The following CDH18 variants were observed in gnomAD, a reference collection of about 807,000 sequenced individuals.
CDH18 encodes the protein cadherin 18, also known as cadherin-18.
CDH18 carries 31 observed loss-of-function variants against 67.9 expected under a neutral mutation model. The observed-to-expected ratio is 0.46, with a 90% CI of 0.34 to 0.62. CDH18 has a LOEUF of 0.62. Ranked by LOEUF, CDH18 falls within the 20% of genes least tolerant of loss-of-function variation. CDH18 has a pLI of 0.01. For synonymous variants in CDH18, 362 were observed against 347.2 expected (o/e 1.04, Z -0.48); for missense variants, 890 against 975.5 (o/e 0.91, Z 1.17).
intron 5 of CDH18, among the ~76,000 whole-genome samples, chr5:19,705,914 TCCCTAAAA>T (rs1366930343): frequency 6.6e-6 from 1 of 152,186 alleles, no homozygotes; most frequent in Admixed American, 6.5e-5. Flanking sequence ...AATTGGGTTC[TCCCTAAAA>T]TAACTAAATT....
chr5:19,589,365 T>G lies in CDH18; in HGVS notation c.999+1692A>C, dbSNP rs981362177. Among the ~76,000 whole-genome samples the G allele has an allele frequency of 3.3e-5, 5 of 152,262 alleles. No individual in the cohort carries two copies. In the South Asian group the frequency reaches 6.2e-4, roughly 19 times the overall value. On this transcript the variant is annotated intron_variant, in intron 7 of 12. Coordinates refer to ENST00000382275, the MANE Select transcript of CDH18 (RefSeq NM_004934.5). ...TCCTCCAAGATTATATTTCCTCCGT[T>G]TTCATGCTTGTTTCTTAAACAATCA...
intron 2 of CDH18, among the ~76,000 whole-genome samples, chr5:20,001,341 A>T (rs116402108): frequency 5.5e-4 from 84 of 152,316 alleles, no homozygotes; most frequent in African/African-American, 2.0e-3. Flanking sequence ...CTGAGTGTAT[A>T]GGTGAATATG....
At chr5:19,689,044 G>A (rs1186820511) in intron 5 of CDH18, among the ~76,000 whole-genome samples, 1 of 151,920 alleles carries the variant, frequency 6.6e-6, no homozygotes, top group Non-Finnish European at 1.5e-5. Flanking sequence ...ACATCATAAA[G>A]CAATAAAATA....
At chr5:19,533,369 T>C (rs1226675428) in intron 9 of CDH18, among the ~76,000 whole-genome samples, 1 of 151,986 alleles carries the variant, frequency 6.6e-6, no homozygotes, top group Non-Finnish European at 1.5e-5. Flanking sequence ...AGTAGCAAAG[T>C]CAAGAGTCTT....
At chr5:19,607,722 T>C (rs1748287616) in intron 6 of CDH18, among the ~76,000 whole-genome samples, 1 of 151,344 alleles carries the variant, frequency 6.6e-6, no homozygotes, top group Non-Finnish European at 1.5e-5. Flanking sequence ...AAATATTAGC[T>C]AAGTGGTCAC....
intron 1 of CDH18, among the ~76,000 whole-genome samples, chr5:20,471,567 C>A (rs534143220): frequency 6.6e-6 from 1 of 151,674 alleles, no homozygotes; most frequent in Non-Finnish European, 1.5e-5. Flanking sequence ...TTTGGGAGGC[C>A]GAGGCGGGAG....
intron 1 of CDH18, among the ~76,000 whole-genome samples, chr5:20,268,497 A>G (rs1745208392): frequency 2.6e-5 from 4 of 152,174 alleles, no homozygotes; most frequent in Admixed American, 2.0e-4. Context: ...TGGCACTGGT[A>G]TGTCAAGATA....
At chr5:20,088,944 C>T (rs1745200376) in intron 2 of CDH18, among the ~76,000 whole-genome samples, 1 of 152,012 alleles carries the variant, frequency 6.6e-6, no homozygotes, top group Admixed American at 6.6e-5. Flanking sequence ...ACTGAGAAGT[C>T]TAGTTTTATT....
At chr5:19,502,563 A>C (rs1323306035) in intron 11 of CDH18, 2 of 298,964 alleles carry the variant, frequency 6.7e-6, no homozygotes, top group Non-Finnish European at 1.2e-5. Flanking sequence ...GAGGAAATAT[A>C]ATTTGTAAAG....
intron 1 of CDH18, among the ~76,000 whole-genome samples, chr5:20,449,044 A>T (rs1750229844): frequency 6.6e-6 from 1 of 152,082 alleles, no homozygotes; most frequent in Non-Finnish European, 1.5e-5. Flanking sequence ...GATGTACCTA[A>T]GTACATTGGA....
At chr5:19,530,053 C>T (rs1005884104) in intron 9 of CDH18, among the ~76,000 whole-genome samples, 1 of 152,130 alleles carries the variant, frequency 6.6e-6, no homozygotes, top group Non-Finnish European at 1.5e-5. Context: ...CATTATAAAA[C>T]TATAGCAATC....
At chr5:20,246,106 C>A (rs1234361406) in intron 2 of CDH18, among the ~76,000 whole-genome samples, 2 of 152,040 alleles carry the variant, frequency 1.3e-5, no homozygotes, top group Non-Finnish European at 2.9e-5. Context: ...TTGCTAAATA[C>A]AAAAGTAGTA....
intron 1 of CDH18, among the ~76,000 whole-genome samples, chr5:20,398,028 A>C (rs917767771): frequency 6.6e-6 from 1 of 152,204 alleles, no homozygotes; most frequent in Non-Finnish European, 1.5e-5. Flanking sequence ...GCTACATTTT[A>C]GCTGTTCAAT....
At chr5:20,492,183 T>C (rs1187344022) in intron 1 of CDH18, among the ~76,000 whole-genome samples, 2 of 152,090 alleles carry the variant, frequency 1.3e-5, no homozygotes, top group African/African-American at 4.8e-5. Flanking sequence ...ACATTGATTT[T>C]TTTTTTGCCA....
chr5:19,641,053 G>T (rs980122009), intron 5 of CDH18, among the ~76,000 whole-genome samples: 1 of 150,974 alleles, frequency 6.6e-6, no homozygotes, highest in Non-Finnish European at 1.5e-5. Context: ...TATGGTTATT[G>T]TGCACAATTA....
intron 8 of CDH18, among the ~76,000 whole-genome samples, chr5:19,558,294 C>T (rs1490608752): frequency 1.3e-5 from 2 of 151,870 alleles, no homozygotes; most frequent in East Asian, 3.9e-4. Flanking sequence ...ATAACGAAAT[C>T]AGAGCAGAAC....
chr5:20,065,588 T>C (rs1355571946), intron 2 of CDH18, among the ~76,000 whole-genome samples: 2 of 151,990 alleles, frequency 1.3e-5, no homozygotes, highest in Non-Finnish European at 2.9e-5. Context: ...CTACAGAACA[T>C]TGTAGCTTAC....
intron 2 of CDH18, among the ~76,000 whole-genome samples, chr5:20,236,511 T>C (rs1267833748): frequency 6.6e-6 from 1 of 151,824 alleles, no homozygotes; most frequent in South Asian, 2.1e-4. Context: ...AATGAGATAA[T>C]GGCATCACTG....
At chr5:20,519,487 G>T (rs923390631) in intron 1 of CDH18, among the ~76,000 whole-genome samples, 7 of 152,134 alleles carry the variant, frequency 4.6e-5, no homozygotes, top group Admixed American at 4.6e-4. Flanking sequence ...GGAGGAGAGG[G>T]GAGGGATAGC....
Sources: gnomAD v4.1 joint callset for allele counts (sites outside exome capture counted in the v4.1 genomes callset) on GRCh38, gnomAD v4.1.1 for gene constraint, MANE v1.5 for transcripts, NCBI Gene and HGNC (gene_info 2026-07-23, HGNC 2026-07-21) for gene names.